Variants in STON1 observed in about 807,000 individuals in gnomAD.
The protein encoded by STON1 is stonin-1.
A neutral mutation model predicts 60.9 loss-of-function variants in STON1; 79 were observed. That is an observed-to-expected ratio of 1.30 (90% confidence interval 1.08 to 1.56). STON1 has a LOEUF of 1.56. STON1 is among the 40% of genes most tolerant of loss of function. The pLI is 0.00. For synonymous variants in STON1, 363 were observed against 306.9 expected, an observed-to-expected ratio of 1.18 and a Z score of -1.91; for missense variants, 1,166 against 858.9, an observed-to-expected ratio of 1.36 and a Z score of -4.47.
At chr2:48,539,586 C>T (rs1320781337) in intron 1 of STON1, among the ~76,000 whole-genome samples, 1 of 152,062 alleles carries the variant, frequency 6.6e-6, no homozygotes. Context: ...ACTGCAACCT[C>T]TGCCTCCTGG....
At position 48,564,643 on chromosome 2, in the gene STON1, TC is replaced by T. The variant is rs1407165226; in HGVS notation, c.-47-15942del. On this transcript the variant is annotated intron_variant, in intron 1 of 3. Transcript: ENST00000404752. The stretch of plus-strand genomic sequence containing the variant: ...CTCCTTCTCCTTCTCTTTCTCCTTC[TC>T]CTTCTTCTTCTTCTTTCTTATTTCT... Among the ~76,000 whole-genome samples, 14 of 127,986 alleles carry T rather than the reference TC, an allele frequency of 1.1e-4. 1 individual carries two copies. Among genetic ancestry groups the T allele is most frequent in the African/African-American group, 3.5e-4 (12 of 34,506 alleles). 84.0% of individuals were successfully genotyped at this position (127,986 alleles called of 152,430 possible). A position where few individuals can be genotyped will look rare whatever the true frequency, so the allele number is the denominator to read the frequency against.
chr2:48,553,416 G>T (rs554587833), intron 1 of STON1, among the ~76,000 whole-genome samples: 99 of 135,748 alleles, frequency 7.3e-4, no homozygotes, highest in African/African-American at 2.6e-3. Flanking sequence ...CCTCCCCTCC[G>T]CTCTTCCTCC....
rs187367320 is a variant in STON1 at position 48,588,223 on chromosome 2, G to A, written c.1931-3430G>A. On this transcript the variant is annotated intron_variant, in intron 2 of 3. Transcript: ENST00000404752. ...TGGCCCAAGGAATACGCTTAGAATA[G>A]CAGGATCCCAGAATGCATCTCTATT... Among the ~76,000 whole-genome samples, 73 of 152,310 alleles carry A rather than the reference G, an allele frequency of 4.8e-4. 1 individual carries two copies. The highest frequency in any genetic ancestry group is 9.2e-4 in the Admixed American group (14 of 15,290).
intron 2 of STON1, among the ~76,000 whole-genome samples, chr2:48,584,367 A>G (rs2103928822): frequency 6.6e-6 from 1 of 152,040 alleles, no homozygotes; most frequent in East Asian, 1.9e-4. Context: ...TCCCAGGTTC[A>G]AGTGATTTTC....
At chr2:48,579,127 C>T (rs2103905410) in intron 1 of STON1, among the ~76,000 whole-genome samples, 1 of 151,938 alleles carries the variant, frequency 6.6e-6, no homozygotes, top group Middle Eastern at 3.4e-3. Flanking sequence ...CCTCAGCCTC[C>T]TGAGTAGCTG....
intron 1 of STON1, chr2:48,530,651 C>G (rs1671172119): frequency 6.5e-6 from 1 of 152,946 alleles, no homozygotes; most frequent in Non-Finnish European, 1.5e-5. Flanking sequence ...CTCCCGGACT[C>G]CCTCCTCCTT....
At chr2:48,578,741 C>A (rs1000306607) in intron 1 of STON1, among the ~76,000 whole-genome samples, 3 of 151,944 alleles carry the variant, frequency 2.0e-5, no homozygotes, top group Non-Finnish European at 4.4e-5. Flanking sequence ...CAGGTACCCA[C>A]CACCATGCTT....
intron 1 of STON1, among the ~76,000 whole-genome samples, chr2:48,575,655 A>AAAATAAAT (rs74495343): frequency 0.057 from 8,416 of 148,768 alleles, 285 homozygotes; most frequent in Admixed American, 0.091. Context: ...CTCCGTCTCA[A>AAAATAAAT]AAATAAATAA....
rs565543882 is a variant in STON1 at position 48,587,609 on chromosome 2, G to A, written c.1931-4044G>A. On this transcript the variant is annotated intron_variant, in intron 2 of 3. Coordinates refer to ENST00000404752, the MANE Select transcript of STON1 (RefSeq NM_006873.4). The stretch of plus-strand genomic sequence containing the variant: ...TCCGGCCTCCCATGAGTATTTATTA[G>A]CAGTGGAGCTCACCAAGAACAATGA... 2.6e-5 allele frequency among the ~76,000 whole-genome samples: 4 copies of A among 152,188 alleles called. No homozygotes were observed. The South Asian group carries it at 8.3e-4, about 32-fold the overall frequency.
intron 1 of STON1, 147 bp from the exon 2 acceptor site, chr2:48,580,440 T>C: frequency 5.0e-6 from 4 of 801,652 alleles, no homozygotes; most frequent in African/African-American, 1.8e-5. Flanking sequence ...ATAGACAGCA[T>C]ACAGTTGGAT....
At chr2:48,544,747 G>A (rs1382294908) in intron 1 of STON1, among the ~76,000 whole-genome samples, 5 of 152,032 alleles carry the variant, frequency 3.3e-5, no homozygotes, top group Admixed American at 6.6e-5. Flanking sequence ...GGGTTTCACC[G>A]TGCTGGCCAG....
At chr2:48,576,513 TTTA>T (rs771847229) in intron 1 of STON1, among the ~76,000 whole-genome samples, 39 of 138,528 alleles carry the variant, frequency 2.8e-4, no homozygotes, top group East Asian at 1.1e-3. Context: ...TTTTTTTTTT[TTTA>T]AAAGAAAATA....
chr2:48,580,727 C>T lies in STON1; in HGVS notation c.94C>T (p.Gln32Ter), dbSNP rs778903300. ...QKSKNFPLENQGVCRPNGLKL... is the reference protein window; with the variant it reads ...QKSKNFPLEN ...GTCAAAGAATTTTCCTCTGGAGAAT[C>T]AAGGTGTCTGTAGACCAAATGGACT... The change falls in exon 2 of 4, where the codon CAA becomes TAA. Residue 32 changes from glutamine (Q) to a stop codon, truncating the protein, a stop_gained. Coordinates refer to ENST00000404752, the MANE Select transcript of STON1 (RefSeq NM_006873.4). LOFTEE classifies it high-confidence loss of function. The T allele has an allele frequency of 2.0e-6, 3 of 1,503,094 alleles. No individual in the cohort carries two copies. Among genetic ancestry groups the T allele is most frequent in the Non-Finnish European group, 2.7e-6 (3 of 1,125,558 alleles). 93.1% of individuals were successfully genotyped at this position (1,503,094 alleles called of 1,614,324 possible). A position where few individuals can be genotyped will look rare whatever the true frequency, so the allele number is the denominator to read the frequency against.
At chr2:48,591,412 A>G (rs1489405682) in intron 2 of STON1, among the ~76,000 whole-genome samples, 2 of 151,878 alleles carry the variant, frequency 1.3e-5, no homozygotes, top group African/African-American at 4.8e-5. Flanking sequence ...TGCCATTCTT[A>G]TTCAAAATAG....
intron 1 of STON1, among the ~76,000 whole-genome samples, chr2:48,532,429 A>G (rs1671251617): frequency 1.7e-5 from 1 of 57,292 alleles, no homozygotes; most frequent in African/African-American, 7.8e-5. Flanking sequence ...CCATTCAAAA[A>G]GTAAGTCCAA....
At position 48,583,875 on chromosome 2, in the gene STON1, C is replaced by T. The variant is rs375215204; in HGVS notation, c.1930+1312C>T. On this transcript the variant is annotated intron_variant, in intron 2 of 3. Coordinates refer to ENST00000404752, the MANE Select transcript of STON1 (RefSeq NM_006873.4). Reference sequence around the variant, plus strand: ...CAAGTGATTCTCCTGCCTCAGCCTCCGGAGTAGCTGGAACTACAGGCGCCC... The same window carrying T: ...CAAGTGATTCTCCTGCCTCAGCCTCTGGAGTAGCTGGAACTACAGGCGCCC... Among the ~76,000 whole-genome samples, 36 of 152,038 alleles carry T rather than the reference C, an allele frequency of 2.4e-4. No homozygotes were observed. The South Asian group carries it at 5.2e-3, about 22-fold the overall frequency.
At chr2:48,555,493 T>TG (rs1166045897) in intron 1 of STON1, among the ~76,000 whole-genome samples, 8 of 64,536 alleles carry the variant, frequency 1.2e-4, no homozygotes, top group Admixed American at 1.4e-4. Flanking sequence ...GCTGGCCGGG[T>TG]GGGGGGCTGA....
chr2:48,563,199 C>G (rs1672679328), intron 1 of STON1, among the ~76,000 whole-genome samples: 1 of 152,206 alleles, frequency 6.6e-6, no homozygotes, highest in Non-Finnish European at 1.5e-5. Flanking sequence ...CCACCTTAGC[C>G]AGGAGAGTCC....
At chr2:48,564,479 CT>C (rs371577544) in intron 1 of STON1, among the ~76,000 whole-genome samples, 5,135 of 24,120 alleles carry the variant, frequency 0.21, 904 homozygotes, top group Non-Finnish European at 0.23. Context: ...TCTTCTTCTT[CT>C]TTCTTCTTCT....
Sources: gnomAD v4.1 joint callset for allele counts (sites outside exome capture counted in the v4.1 genomes callset) on GRCh38, gnomAD v4.1.1 for gene constraint, MANE v1.5 for transcripts, NCBI Gene and HGNC (gene_info 2026-07-23, HGNC 2026-07-21) for gene names.